Variants in NAALADL2 observed in about 807,000 individuals in gnomAD.
NAALADL2 encodes inactive N-acetylated-alpha-linked acidic dipeptidase-like protein 2.
In NAALADL2, 76 loss-of-function variants were observed where a neutral mutation model predicts 87.2. The observed-to-expected ratio is 0.87, with a 90% CI of 0.72 to 1.05. The LOEUF (loss-of-function observed/expected upper bound fraction) is 1.05, where lower values mean the gene tolerates loss of function less well. Ranked by LOEUF, NAALADL2 falls within the 50% of genes least tolerant of loss-of-function variation. NAALADL2 has a pLI of 0.00. For missense variants in NAALADL2, 1,089 were observed against 945.8 expected, an observed-to-expected ratio of 1.15 and a Z score of -1.99; for synonymous variants, 354 against 331.0, an observed-to-expected ratio of 1.07 and a Z score of -0.75.
chr3:175,243,529 GA>G (rs1385135023), intron 3 of NAALADL2, among the ~76,000 whole-genome samples: 1 of 105,682 alleles, frequency 9.5e-6, no homozygotes, highest in Admixed American at 1.1e-4. Flanking sequence ...TACACATCAG[GA>G]CTTTTTTTTT....
intron 4 of NAALADL2, among the ~76,000 whole-genome samples, chr3:175,272,938 A>G (rs1218206647): frequency 1.3e-5 from 2 of 152,118 alleles, no homozygotes; most frequent in Admixed American, 1.3e-4. Flanking sequence ...GCAATATAGC[A>G]ATAACATATT....
intron 1 of NAALADL2, among the ~76,000 whole-genome samples, chr3:175,033,385 C>T (rs966486113): frequency 6.6e-6 from 1 of 152,056 alleles, no homozygotes. Flanking sequence ...ATGATATTGT[C>T]TGTCTTGATA....
In NAALADL2 at chr3:175,321,800, A is replaced by G. The variant is rs1472647214; in HGVS notation, c.940-2375A>G. Among the ~76,000 whole-genome samples, 463 of 128,852 alleles carry G rather than the reference A, an allele frequency of 3.6e-3. 3 individuals are homozygous for G. Among genetic ancestry groups the G allele is most frequent in the African/African-American group, 9.7e-3 (307 of 31,710 alleles). The allele number at this position is 128,852 out of a possible 152,430, so 84.5% of individuals were successfully genotyped here. A position where few individuals can be genotyped will look rare whatever the true frequency, so the allele number is the denominator to read the frequency against. ...TACAAGGGATGTGAAGGACCTCTTC[A>G]AGGAGAACTACAAACCACTGCTCAA... is the stretch of plus-strand genomic sequence containing the variant. On this transcript the variant is annotated intron_variant, in intron 4 of 13. Transcript: ENST00000454872.
chr3:174,919,130 G>C (rs982354776), intron 1 of NAALADL2, among the ~76,000 whole-genome samples: 7 of 152,138 alleles, frequency 4.6e-5, no homozygotes, highest in African/African-American at 1.4e-4. Context: ...TATTTTTGCA[G>C]ATGGGGGATC....
chr3:174,591,416 A>G (rs1338828534), intron 2 of NAALADL2, among the ~76,000 whole-genome samples: 1 of 152,230 alleles, frequency 6.6e-6, no homozygotes, highest in Non-Finnish European at 1.5e-5. Context: ...TGAGCATTCA[A>G]TATAACCATC....
chr3:174,547,918 T>A (rs1285940319), intron 1 of NAALADL2, among the ~76,000 whole-genome samples: 1 of 152,204 alleles, frequency 6.6e-6, no homozygotes, highest in Non-Finnish European at 1.5e-5. Flanking sequence ...GTTTCACCAA[T>A]TTGTACCTCA....
chr3:175,494,335 G>T (rs998898577), intron 9 of NAALADL2, among the ~76,000 whole-genome samples: 1 of 152,022 alleles, frequency 6.6e-6, no homozygotes, highest in Admixed American at 6.6e-5. Context: ...GCATACAGAA[G>T]CATTTCTAGC....
chr3:174,627,914 T>A (rs1721732333), intron 2 of NAALADL2, among the ~76,000 whole-genome samples: 1 of 152,116 alleles, frequency 6.6e-6, no homozygotes, highest in African/African-American at 2.4e-5. Flanking sequence ...CAGAGTGGAA[T>A]AATAAACACG....
chr3:175,544,946 C>G (rs1713039222), intron 9 of NAALADL2, among the ~76,000 whole-genome samples: 1 of 152,056 alleles, frequency 6.6e-6, no homozygotes, highest in Admixed American at 6.6e-5. Context: ...AAATTAATAC[C>G]CAAGGACAAA....
intron 9 of NAALADL2, among the ~76,000 whole-genome samples, chr3:175,476,103 TA>T (rs1376247189): frequency 6.6e-6 from 1 of 152,194 alleles, no homozygotes; most frequent in African/African-American, 2.4e-5. Context: ...GTTTCTTCTT[TA>T]ATTTCCTGTT....
At chr3:175,190,981 CAAAAA>C (rs544760324) in intron 2 of NAALADL2, among the ~76,000 whole-genome samples, 6 of 102,084 alleles carry the variant, frequency 5.9e-5, no homozygotes, top group Admixed American at 3.2e-4. Context: ...GACTCCGTCT[CAAAAA>C]AAAAAAAAAA....
intron 5 of NAALADL2, among the ~76,000 whole-genome samples, chr3:175,397,590 A>C (rs906005956): frequency 6.6e-6 from 1 of 152,178 alleles, no homozygotes; most frequent in African/African-American, 2.4e-5. Context: ...AAGCAGGTTC[A>C]GTGAGCTGGA....
chr3:175,216,438 A>C (rs1241993712), intron 2 of NAALADL2, among the ~76,000 whole-genome samples: 1 of 152,030 alleles, frequency 6.6e-6, no homozygotes, highest in East Asian at 1.9e-4. Context: ...ATTTATGGAA[A>C]AGTAGATAGT....
At chr3:175,304,976 C>A (rs1383961009) in intron 4 of NAALADL2, among the ~76,000 whole-genome samples, 1 of 151,798 alleles carries the variant, frequency 6.6e-6, no homozygotes, top group Non-Finnish European at 1.5e-5. Context: ...AAACTATAAA[C>A]ATAGGTTCCA....
intron 2 of NAALADL2, among the ~76,000 whole-genome samples, chr3:174,702,802 C>T (rs973730064): frequency 5.3e-5 from 8 of 152,112 alleles, no homozygotes; most frequent in African/African-American, 1.9e-4. Flanking sequence ...CCATCATTTA[C>T]CAAAACATCG....
chr3:175,188,021 G>A (rs9849745), intron 2 of NAALADL2, among the ~76,000 whole-genome samples: 16,077 of 152,130 alleles, frequency 0.11, 964 homozygotes, highest in African/African-American at 0.14. Flanking sequence ...GCTGTTAGCC[G>A]TTGTGGATTA....
Position 175,718,249 on chromosome 3 carries a change from C to T in NAALADL2, c.1897-19057C>T, listed in dbSNP as rs915572658. 8.7e-5 allele frequency: 63 copies of T among 727,340 alleles called. 2 individuals are homozygous for T. In the Admixed American group the frequency reaches 9.4e-4, roughly 11 times the overall value. 45.1% of individuals were successfully genotyped at this position (727,340 alleles called of 1,614,324 possible). On this transcript the variant is annotated intron_variant, in intron 11 of 13. Coordinates refer to ENST00000454872, the MANE Select transcript of NAALADL2 (RefSeq NM_207015.3). ...GATTAGTTGCTGTAACACTGTCCTT[C>T]GGGCGACTGAGGGAGTTTCATATTT...
intron 2 of NAALADL2, among the ~76,000 whole-genome samples, chr3:174,560,364 T>C (rs1713441147): frequency 6.6e-6 from 1 of 152,206 alleles, no homozygotes; most frequent in South Asian, 2.1e-4. Context: ...AGACTAGGAC[T>C]TGATAATTTA....
intron 2 of NAALADL2, among the ~76,000 whole-genome samples, chr3:174,613,683 G>T (rs1234560014): frequency 6.6e-6 from 1 of 152,160 alleles, no homozygotes; most frequent in Non-Finnish European, 1.5e-5. Context: ...CAGGGCAGTA[G>T]GCTCCTTTCT....
Sources: allele counts gnomAD v4.1 joint callset (sites outside exome capture counted in the v4.1 genomes callset), GRCh38; gene constraint gnomAD v4.1.1; transcripts MANE v1.5; gene names NCBI Gene and HGNC (gene_info 2026-07-23, HGNC 2026-07-21).